Variants in TRMT9B observed in about 807,000 individuals in gnomAD.
The protein encoded by TRMT9B is tRNA methyltransferase 9B (putative).
Under a neutral mutation model 11.5 loss-of-function variants are expected in TRMT9B, and 16 were observed. That is an observed-to-expected ratio of 1.39 (90% CI 0.94 to 2.11). The LOEUF (loss-of-function observed/expected upper bound fraction) is 2.11, where lower values mean the gene tolerates loss of function less well. Ranked by LOEUF, TRMT9B falls within the 30% of genes most tolerant of loss-of-function variation. The probability of loss-of-function intolerance (pLI) is 0.00; values close to 1 mark genes in which losing one functional copy is unlikely to be tolerated. For synonymous variants in TRMT9B, 274 were observed against 192.4 expected, an observed-to-expected ratio of 1.42 and a Z score of -3.51; for missense variants, 941 against 553.8, an observed-to-expected ratio of 1.70 and a Z score of -7.02.
At chr8:13,005,060 T>C (rs1810188334) in intron 2 of TRMT9B, among the ~76,000 whole-genome samples, 1 of 142,122 alleles carries the variant, frequency 7.0e-6, no homozygotes, top group Non-Finnish European at 1.5e-5. Context: ...CACTCCAGCC[T>C]GGGCGATACA....
intron 1 of TRMT9B, among the ~76,000 whole-genome samples, chr8:12,966,925 C>G (rs975102047): frequency 6.6e-6 from 1 of 152,146 alleles, no homozygotes; most frequent in Non-Finnish European, 1.5e-5. Flanking sequence ...TACAGTGTTC[C>G]TTTCCATGTT....
chr8:12,971,430 G>T (rs1803610976), intron 1 of TRMT9B, among the ~76,000 whole-genome samples: 1 of 152,152 alleles, frequency 6.6e-6, no homozygotes, highest in South Asian at 2.1e-4. Flanking sequence ...AATCCTCTGA[G>T]TTCTACTTTT....
chr8:12,969,254 T>G (rs565244262), intron 1 of TRMT9B, among the ~76,000 whole-genome samples: 2 of 152,270 alleles, frequency 1.3e-5, no homozygotes, highest in South Asian at 4.2e-4. Context: ...CACCGTCTCT[T>G]CATTACACAG....
At chr8:12,999,220 A>T (rs778094302) in intron 2 of TRMT9B, among the ~76,000 whole-genome samples, 1 of 150,002 alleles carries the variant, frequency 6.7e-6, no homozygotes, top group Non-Finnish European at 1.5e-5. Flanking sequence ...AATCGCTTGA[A>T]CCTGGGAGGC....
intron 1 of TRMT9B, among the ~76,000 whole-genome samples, chr8:12,950,744 C>G (rs909562839): frequency 1.3e-5 from 2 of 152,116 alleles, no homozygotes; most frequent in Non-Finnish European, 2.9e-5. Flanking sequence ...CTTAGTAGCA[C>G]CTGAAATAGA....
chr8:12,980,004 G>T (rs550696627), intron 1 of TRMT9B, among the ~76,000 whole-genome samples: 1 of 152,096 alleles, frequency 6.6e-6, no homozygotes, highest in East Asian at 1.9e-4. Context: ...GACCCGTTTT[G>T]CATTCAGAGT....
chr8:12,962,610 C>T (rs1274305957), intron 1 of TRMT9B, among the ~76,000 whole-genome samples: 5 of 152,098 alleles, frequency 3.3e-5, no homozygotes, highest in Non-Finnish European at 5.9e-5. Flanking sequence ...CGTACCTCAG[C>T]CCCCCAAGTA....
In TRMT9B at chr8:13,024,431, G is replaced by T. The variant is rs523999; in HGVS notation, c.*2387G>T. 166,898 of 167,254 alleles carry T rather than the reference G, an allele frequency of 1. 83,272 individuals carry two copies. The highest frequency in any genetic ancestry group is 1 in the Non-Finnish European group (68,156 of 68,156). The allele number at this position is 167,254 out of a possible 1,614,324, so 10.4% of individuals were successfully genotyped here. A position where few individuals can be genotyped will look rare whatever the true frequency, so the allele number is the denominator to read the frequency against. ...AGAAAAGATTCTCAGAGTCAAAATGGTCTTACAACTCGGGCTTGACGGCCT... is the reference window on the plus strand; with the variant it reads ...AGAAAAGATTCTCAGAGTCAAAATGTTCTTACAACTCGGGCTTGACGGCCT... On this transcript the variant is annotated 3_prime_UTR_variant, in exon 5 of 5. Coordinates refer to ENST00000524591, the MANE Select transcript of TRMT9B (RefSeq NM_020844.3).
Position 13,025,748 on chromosome 8 carries a change from G to A in TRMT9B, c.*3704G>A, listed in dbSNP as rs965828672. 1 of 166,884 alleles carries A rather than the reference G, an allele frequency of 6.0e-6. No homozygotes were observed. The highest frequency in any genetic ancestry group is 1.5e-5 in the Non-Finnish European group (1 of 68,128). The allele number at this position is 166,884 out of a possible 1,614,324, so 10.3% of individuals were successfully genotyped here. A position where few individuals can be genotyped will look rare whatever the true frequency, so the allele number is the denominator to read the frequency against. On this transcript the variant is annotated 3_prime_UTR_variant, in exon 5 of 5. Transcript: ENST00000524591. ...TAACTAACAAACTAGCTACACAAACGTCTTGGAGTTTGGTTTCGTTCTCTT... is the reference window on the plus strand; with the variant it reads ...TAACTAACAAACTAGCTACACAAACATCTTGGAGTTTGGTTTCGTTCTCTT...
intron 1 of TRMT9B, among the ~76,000 whole-genome samples, chr8:12,976,914 G>T (rs894057159): frequency 2.0e-5 from 3 of 152,082 alleles, no homozygotes; most frequent in Non-Finnish European, 2.9e-5. Flanking sequence ...AGGGAGTTGG[G>T]GTAATACATT....
At position 13,022,893 on chromosome 8, in the gene TRMT9B, G is replaced by A. The variant is rs528708845; in HGVS notation, c.*849G>A. On this transcript the variant is annotated 3_prime_UTR_variant, in exon 5 of 5. Transcript: ENST00000524591. ...AGCTACTCAAGAGACTGAGGCAGGA[G>A]GATCACGTGAGCCCAGGAATTCAAG... The A allele has an allele frequency of 6.0e-6, 1 of 166,574 alleles. No homozygotes were observed. Among genetic ancestry groups the A allele is most frequent in the South Asian group, 2.1e-4 (1 of 4,818 alleles). The allele number at this position is 166,574 out of a possible 1,614,324, so 10.3% of individuals were successfully genotyped here.
chr8:13,022,029 G>C lies in TRMT9B; in HGVS notation c.1350G>C (p.Lys450Asn). 1 of 1,587,494 alleles carries C rather than the reference G, an allele frequency of 6.3e-7. No homozygotes were observed. The highest frequency in any genetic ancestry group is 8.6e-7 in the Non-Finnish European group (1 of 1,168,792). Residue 450 changes from lysine (K) to asparagine (N), a missense_variant, in exon 5 of 5, where the codon AAG becomes AAC. Coordinates refer to ENST00000524591, the MANE Select transcript of TRMT9B (RefSeq NM_020844.3). Reference protein sequence around the residue: ...HGNWCIIAEKKRGCD With the variant: ...HGNWCIIAEKNRGCD ...ACTGGTGTATCATTGCAGAGAAAAAGAGAGGTTGTGATTGATTGGATCCTT... is the reference window on the plus strand; with the variant it reads ...ACTGGTGTATCATTGCAGAGAAAAACAGAGGTTGTGATTGATTGGATCCTT...
chr8:12,992,485 G>C (rs983762669), intron 2 of TRMT9B, among the ~76,000 whole-genome samples: 3 of 151,936 alleles, frequency 2.0e-5, no homozygotes, highest in Non-Finnish European at 1.5e-5. Context: ...TTCTAGACTT[G>C]GGCATATTGT....
chr8:12,982,365 C>G (rs940596603), intron 1 of TRMT9B, among the ~76,000 whole-genome samples: 7 of 152,130 alleles, frequency 4.6e-5, no homozygotes, highest in Admixed American at 3.9e-4. Flanking sequence ...GTCTGAAATT[C>G]AAATACATAA....
intron 2 of TRMT9B, among the ~76,000 whole-genome samples, chr8:12,999,807 C>G (rs1230797096): frequency 6.6e-6 from 1 of 152,092 alleles, no homozygotes; most frequent in Non-Finnish European, 1.5e-5. Context: ...GTGGAGAAGA[C>G]TGTAGGTAGA....
chr8:12,951,566 T>G (rs1800618777), intron 1 of TRMT9B: 1 of 152,110 alleles, frequency 6.6e-6, no homozygotes, highest in Non-Finnish European at 1.5e-5. Context: ...GCGGGGCGAT[T>G]GCAGGGAACG....
intron 1 of TRMT9B, among the ~76,000 whole-genome samples, chr8:12,963,190 T>C (rs1802365472): frequency 6.6e-6 from 1 of 152,154 alleles, no homozygotes; most frequent in Admixed American, 6.5e-5. Flanking sequence ...TCCCAGCACT[T>C]TGGGAGGCCA....
intron 2 of TRMT9B, among the ~76,000 whole-genome samples, chr8:12,996,782 C>T (rs1808418161): frequency 6.6e-6 from 1 of 152,038 alleles, no homozygotes; most frequent in South Asian, 2.1e-4. Flanking sequence ...AACCTGAGCG[C>T]CCTCATGTAA....
intron 1 of TRMT9B, among the ~76,000 whole-genome samples, chr8:12,979,910 C>A (rs1245299964): frequency 1.3e-5 from 2 of 152,092 alleles, no homozygotes; most frequent in African/African-American, 4.8e-5. Flanking sequence ...TGGGTTTGAA[C>A]CCTGATCGTC....
Sources: gnomAD v4.1 joint callset for allele counts (sites outside exome capture counted in the v4.1 genomes callset) on GRCh38, gnomAD v4.1.1 for gene constraint, MANE v1.5 for transcripts, NCBI Gene and HGNC (gene_info 2026-07-23, HGNC 2026-07-21) for gene names.